The following PCSK9 variants were observed in gnomAD, a reference collection of about 807,000 sequenced individuals.
The protein encoded by PCSK9 is proprotein convertase subtilisin/kexin type 9.
In PCSK9, 57 loss-of-function variants were observed where a neutral mutation model predicts 62.1. The observed-to-expected ratio is 0.92, with a 90% CI of 0.74 to 1.14. PCSK9 has a LOEUF of 1.14. Ranked by LOEUF, PCSK9 falls within the 50% of genes most tolerant of loss-of-function variation. PCSK9 has a pLI of 0.00. For synonymous variants in PCSK9, 387 were observed against 409.4 expected, an observed-to-expected ratio of 0.95 and a Z score of 0.66; for missense variants, 870 against 959.8, an observed-to-expected ratio of 0.91 and a Z score of 1.24.
At chr1:55,055,965 G>A (rs1644710526) in intron 5 of PCSK9, 28 bp from the exon 6 acceptor site, 1 of 1,588,348 alleles carries the variant, frequency 6.3e-7, no homozygotes, top group Non-Finnish European at 8.6e-7. Context: ...GTCTCCCCAA[G>A]GGGTGACCTT....
chr1:55,040,878 G>A lies in PCSK9; in HGVS notation c.207+834G>A, dbSNP rs1644594128. ...AACTCTGCCAGCTTCTGGCCCTCAGGCTGTGGGAAGCTTCTTCCCGGGGCG... is the reference window on the plus strand; with the variant it reads ...AACTCTGCCAGCTTCTGGCCCTCAGACTGTGGGAAGCTTCTTCCCGGGGCG... On this transcript the variant is annotated intron_variant, in intron 1 of 11. Transcript: ENST00000302118. This position sits in a 1 kb window ranked among gnomAD's most constrained non-coding sequence, Gnocchi z 4.1. Among the ~76,000 whole-genome samples the A allele has an allele frequency of 6.6e-6, 1 of 152,188 alleles. No homozygotes were observed. The highest frequency in any genetic ancestry group is 2.1e-4 in the South Asian group (1 of 4,822).
intron 1 of PCSK9, among the ~76,000 whole-genome samples, chr1:55,042,050 G>C (rs1217235810): frequency 6.6e-6 from 1 of 152,198 alleles, no homozygotes; most frequent in East Asian, 1.9e-4. Context: ...GGGTTCAAGT[G>C]GTTCTCCTGC....
Position 55,057,998 on chromosome 1 carries a change from G to A in PCSK9, c.1181-38G>A, listed in dbSNP as rs765737080. 75 of 1,612,582 alleles carry A rather than the reference G, an allele frequency of 4.7e-5. 2 individuals are homozygous for A. In the South Asian group the frequency reaches 6.8e-4, roughly 15 times the overall value. On this transcript the variant is annotated intron_variant, in intron 7 of 11. Transcript: ENST00000302118. Reference sequence around the variant, plus strand: ...AGTCCCCTGCTGGGGCAGGAGGGCCGGGCCATCACCATCTTTCACCATTCA... The same window carrying A: ...AGTCCCCTGCTGGGGCAGGAGGGCCAGGCCATCACCATCTTTCACCATTCA...
chr1:55,052,366 C>G lies in PCSK9; in HGVS notation c.612C>G (p.Asp204Glu). The change falls in exon 4 of 12, where the codon GAC becomes GAG. Residue 204 changes from aspartate (D) to glutamate (E), a missense_variant. Asp to Glu is a conservative substitution (Grantham distance 45, BLOSUM62 2). Coordinates refer to ENST00000302118, the MANE Select transcript of PCSK9 (RefSeq NM_174936.4). ...REIEGRVMVT[D>E]FENVPEEDGT... ...TCGAGGGCAGGGTCATGGTCACCGACTTCGAGAATGTGCCCGAGGAGGACG... is the reference window on the plus strand; with the variant it reads ...TCGAGGGCAGGGTCATGGTCACCGAGTTCGAGAATGTGCCCGAGGAGGACG... 1 of 1,613,998 alleles carries G rather than the reference C, an allele frequency of 6.2e-7. No individual in the cohort carries two copies.
At chr1:55,050,486 G>C (rs1570299531) in intron 3 of PCSK9, among the ~76,000 whole-genome samples, 1 of 152,332 alleles carries the variant, frequency 6.6e-6, no homozygotes, top group East Asian at 1.9e-4. Flanking sequence ...AACACACTCA[G>C]AGAGCAAGGA....
In PCSK9 at chr1:55,043,929, GCAGGCCCAGGC is replaced by G; in HGVS notation, c.295_305del (p.Gln99CysfsTer68). ...AGTCAGAGCGCACTGCCCGCCGCCTGCAGGCCCAGGCTGCCCGCCGGGGATACCTCACCAAG... is the reference window on the plus strand; with the variant it reads ...AGTCAGAGCGCACTGCCCGCCGCCTGTGCCCGCCGGGGATACCTCACCAAG... On this transcript the variant is annotated frameshift_variant, in exon 2 of 12. Transcript: ENST00000302118. LOFTEE classifies it high-confidence loss of function. The G allele has an allele frequency of 6.2e-7, 1 of 1,614,196 alleles. No individual in the cohort carries two copies. The highest frequency in any genetic ancestry group is 8.5e-7 in the Non-Finnish European group (1 of 1,180,032).
intron 3 of PCSK9, 70 bp downstream of exon 3, chr1:55,046,716 C>T: frequency 1.3e-6 from 2 of 1,587,514 alleles, no homozygotes; most frequent in South Asian, 2.2e-5. Context: ...CTGGCCTGGC[C>T]TCCCTGCTGG....
At position 55,060,049 on chromosome 1, in the gene PCSK9, G is replaced by A. The variant is rs137886411; in HGVS notation, c.1681+386G>A. 9.1e-3 allele frequency among the ~76,000 whole-genome samples: 1,383 copies of A among 152,314 alleles called. 16 individuals are homozygous for A. Among genetic ancestry groups the A allele is most frequent in the Admixed American group, 0.016 (252 of 15,298 alleles). ...ACCTCGGTTTGAATTTCACCCTGCCGCTCTATAGCTGTGTGACTTGGGCAA... is the reference window on the plus strand; with the variant it reads ...ACCTCGGTTTGAATTTCACCCTGCCACTCTATAGCTGTGTGACTTGGGCAA... On this transcript the variant is annotated intron_variant, in intron 10 of 11. Transcript: ENST00000302118.
chr1:55,039,760 G>A lies in PCSK9; in HGVS notation c.-78G>A. The A allele has an allele frequency of 6.6e-7, 1 of 1,515,988 alleles. No homozygotes were observed. Among genetic ancestry groups the A allele is most frequent in the Non-Finnish European group, 9.0e-7 (1 of 1,113,256 alleles). The allele number at this position is 1,515,988 out of a possible 1,614,324, so 93.9% of individuals were successfully genotyped here. ...CCTGCACAGTCCTCCCCACCGCAAG[G>A]CTCAAGGCGCCGCCGGCGTGGACCG... is the stretch of plus-strand genomic sequence containing the variant. On this transcript the variant is annotated 5_prime_UTR_variant, in exon 1 of 12. Coordinates refer to ENST00000302118, the MANE Select transcript of PCSK9 (RefSeq NM_174936.4).
chr1:55,063,277 C>T, intron 11 of PCSK9, 92 bp from the exon 12 acceptor site: 1 of 1,417,162 alleles, frequency 7.1e-7, no homozygotes, highest in South Asian at 1.2e-5. Flanking sequence ...GCACTTTGGC[C>T]TCACAGAAGG....
intron 3 of PCSK9, chr1:55,051,471 T>C (rs894477175): frequency 5.3e-5 from 17 of 322,086 alleles, no homozygotes; most frequent in Non-Finnish European, 7.8e-5. Flanking sequence ...CTTCCTTGCT[T>C]CCTTTCTTCC....
At chr1:55,050,239 C>A (rs1644663386) in intron 3 of PCSK9, among the ~76,000 whole-genome samples, 1 of 152,238 alleles carries the variant, frequency 6.6e-6, no homozygotes, top group Admixed American at 6.5e-5. Context: ...TAGGAGCAGA[C>A]TGAGCATGGC....
rs773930699 is a variant in PCSK9 at position 55,058,638 on chromosome 1, G to A, written c.1494G>A (p.Glu498=). The change falls in exon 9 of 12, where the codon GAG becomes GAA. Residue 498 remains glutamate (E), a synonymous_variant. Transcript: ENST00000302118. ...CCAGGAGTGGGAAGCGGCGGGGCGAGCGCATGGAGGTGACTGTACCCCTCC... is the reference window on the plus strand; with the variant it reads ...CCAGGAGTGGGAAGCGGCGGGGCGAACGCATGGAGGTGACTGTACCCCTCC... The part of the protein sequence containing the change: ...SFSRSGKRRG[E]RMEAQGGKLV... 5 of 1,609,970 alleles carry A rather than the reference G, an allele frequency of 3.1e-6. No homozygotes were observed. The highest frequency in any genetic ancestry group is 2.2e-5 in the South Asian group (2 of 90,840).
chr1:55,056,274 C>T, intron 6 of PCSK9, 85 bp downstream of exon 6: 1 of 1,257,196 alleles, frequency 8.0e-7, no homozygotes. Flanking sequence ...AGGCGGGCTT[C>T]TTGTGGCACG....
At chr1:55,058,723 G>T in intron 9 of PCSK9, 76 bp downstream of exon 9, 2 of 1,543,776 alleles carry the variant, frequency 1.3e-6, no homozygotes, top group Non-Finnish European at 1.7e-6. Context: ...GTGTGTCAGT[G>T]CTGGGCCCTC....
At chr1:55,043,088 C>T (rs1205443008) in intron 1 of PCSK9, among the ~76,000 whole-genome samples, 1 of 152,214 alleles carries the variant, frequency 6.6e-6, no homozygotes, top group Non-Finnish European at 1.5e-5. Flanking sequence ...ATGCTGGTGC[C>T]ATGCTTCCTG....
intron 3 of PCSK9, among the ~76,000 whole-genome samples, chr1:55,048,415 T>C (rs1238493292): frequency 6.6e-6 from 1 of 152,228 alleles, no homozygotes; most frequent in African/African-American, 2.4e-5. Flanking sequence ...TGGCAGCCAC[T>C]GTTCCCTCCT....
At chr1:55,057,839 G>A (rs1295959160) in intron 7 of PCSK9, among the ~76,000 whole-genome samples, 197 bp from the exon 8 acceptor site, 1 of 152,232 alleles carries the variant, frequency 6.6e-6, no homozygotes, top group Non-Finnish European at 1.5e-5. Flanking sequence ...CAACTACCAA[G>A]GCTTAGAGGT....
chr1:55,046,584 T>A lies in PCSK9; in HGVS notation c.461T>A (p.Ile154Asn). The A allele has an allele frequency of 6.2e-7, 1 of 1,614,142 alleles. No homozygotes were observed. The highest frequency in any genetic ancestry group is 8.5e-7 in the Non-Finnish European group (1 of 1,180,028). ...GACTCCTCTGTCTTTGCCCAGAGCA[T>A]CCCGTGGAACCTGGAGCGGATTACC... ...EEDSSVFAQS[I>N]PWNLERITPP... The change falls in exon 3 of 12, where the codon ATC becomes AAC. Residue 154 changes from isoleucine to asparagine, a missense_variant. By Grantham distance (149) the Ile-to-Asn change is moderately radical. Transcript: ENST00000302118.
Sources: gnomAD v4.1 joint callset for allele counts (sites outside exome capture counted in the v4.1 genomes callset) on GRCh38, gnomAD v4.1.1 for gene constraint, Gnocchi (gnomAD v3.1) non-coding constraint, MANE v1.5 for transcripts, NCBI Gene and HGNC (gene_info 2026-07-23, HGNC 2026-07-21) for gene names.